Variants in DNAAF10 observed in about 807,000 individuals in gnomAD.
DNAAF10 encodes dynein axonemal assembly factor 10.
A neutral mutation model predicts 43.7 loss-of-function variants in DNAAF10; 28 were observed. The observed-to-expected ratio is 0.64, with a 90% confidence interval of 0.48 to 0.88. The LOEUF is 0.88. Ranked by LOEUF, DNAAF10 falls within the 40% of genes least tolerant of loss-of-function variation. The probability of loss-of-function intolerance (pLI) is 0.00; values close to 1 mark genes in which losing one functional copy is unlikely to be tolerated. For missense variants in DNAAF10, 403 were observed against 439.1 expected (o/e 0.92, Z 0.73); for synonymous variants, 156 against 157.3 (o/e 0.99, Z 0.06).
At chr2:68,138,396 G>A (rs1193400748) in intron 5 of DNAAF10, among the ~76,000 whole-genome samples, 3 of 152,120 alleles carry the variant, frequency 2.0e-5, no homozygotes, top group Non-Finnish European at 2.9e-5. Context: ...AATCTGAGCT[G>A]GGGAGGTGAC....
intron 3 of DNAAF10, among the ~76,000 whole-genome samples, chr2:68,142,396 A>T (rs571672337): frequency 2.0e-5 from 3 of 152,250 alleles, no homozygotes; most frequent in African/African-American, 7.2e-5. Context: ...AGCTGGGACT[A>T]CAGGCATGCA....
At chr2:68,153,345 TAAAAAAAAAA>T (rs775794947) in intron 1 of DNAAF10, among the ~76,000 whole-genome samples, 8 of 98,750 alleles carry the variant, frequency 8.1e-5, no homozygotes, top group Admixed American at 2.1e-4. Context: ...AGTGATAAAT[TAAAAAAAAAA>T]AAAAAAAAAA....
chr2:68,146,901 G>T (rs1454363544), intron 2 of DNAAF10, among the ~76,000 whole-genome samples: 3 of 151,434 alleles, frequency 2.0e-5, no homozygotes, highest in Admixed American at 6.6e-5. Context: ...AATTAAAAAG[G>T]AATTTCAATT....
Position 68,154,874 on chromosome 2 carries a change from C to T in DNAAF10, c.183+2387G>A, listed in dbSNP as rs1418146596. Among the ~76,000 whole-genome samples, 11 of 152,100 alleles carry T rather than the reference C, an allele frequency of 7.2e-5. 1 individual carries two copies. In the East Asian group the frequency reaches 1.7e-3, roughly 24 times the overall value. On this transcript the variant is annotated intron_variant, in intron 1 of 7. Coordinates refer to ENST00000295121, the MANE Select transcript of DNAAF10 (RefSeq NM_138458.4). ...ACCTCCTGGGCTCAAGAGATCCTCC[C>T]ACCACAGCCTCCCAAGTAGCTGGGA...
intron 4 of DNAAF10, 76 bp downstream of exon 4, chr2:68,141,618 C>T (rs1174364241): frequency 1.5e-6 from 2 of 1,334,076 alleles, no homozygotes; most frequent in East Asian, 4.6e-5. Flanking sequence ...CATAAAGAGA[C>T]TACTGTGAAA....
chr2:68,147,287 T>A (rs994076578), intron 2 of DNAAF10, among the ~76,000 whole-genome samples, 180 bp downstream of exon 2: 12 of 152,194 alleles, frequency 7.9e-5, no homozygotes, highest in African/African-American at 2.7e-4. Flanking sequence ...TAGTATTTTT[T>A]AATGGATTTT....
At chr2:68,145,894 A>AATGAATGT (rs1251392247) in intron 2 of DNAAF10, among the ~76,000 whole-genome samples, 1 of 152,206 alleles carries the variant, frequency 6.6e-6, no homozygotes, top group Non-Finnish European at 1.5e-5. Flanking sequence ...AGATTTTTTA[A>AATGAATGT]ATGAATGTGA....
intron 3 of DNAAF10, among the ~76,000 whole-genome samples, chr2:68,143,597 ACCAAAGGC>A (rs1458846892): frequency 6.6e-6 from 1 of 152,216 alleles, no homozygotes; most frequent in Non-Finnish European, 1.5e-5. Context: ...AAAAAAGCAA[ACCAAAGGC>A]TTATAAGGGA....
chr2:68,132,800 G>A (rs1415292159), intron 7 of DNAAF10, among the ~76,000 whole-genome samples: 1 of 152,200 alleles, frequency 6.6e-6, no homozygotes, highest in African/African-American at 2.4e-5. Flanking sequence ...GATTAGACTG[G>A]ACATCTGTTC....
In DNAAF10 at chr2:68,155,837, C is replaced by T. The variant is rs1175105721; in HGVS notation, c.183+1424G>A. Reference sequence around the variant, plus strand: ...GGTAGCCAGGCTTGGTGGCTCACGCCTGTAATCCCAGTATTACGGGAGGCC... The same window carrying T: ...GGTAGCCAGGCTTGGTGGCTCACGCTTGTAATCCCAGTATTACGGGAGGCC... On this transcript the variant is annotated intron_variant, in intron 1 of 7. Coordinates refer to ENST00000295121, the MANE Select transcript of DNAAF10 (RefSeq NM_138458.4). Among the ~76,000 whole-genome samples, 6 of 152,138 alleles carry T rather than the reference C, an allele frequency of 3.9e-5. 1 individual carries two copies. The East Asian group carries it at 1.2e-3, about 29-fold the overall frequency.
chr2:68,142,120 T>A (rs1673193130), intron 3 of DNAAF10, among the ~76,000 whole-genome samples: 1 of 152,258 alleles, frequency 6.6e-6, no homozygotes, highest in Admixed American at 6.5e-5. Flanking sequence ...AATGAATGTG[T>A]TATTTTTTAG....
intron 7 of DNAAF10, chr2:68,134,336 C>T: frequency 1.9e-6 from 2 of 1,051,020 alleles, no homozygotes; most frequent in South Asian, 3.1e-5. Flanking sequence ...CTGTTGGGGT[C>T]TATCACAATG....
At chr2:68,154,534 C>A (rs539647588) in intron 1 of DNAAF10, among the ~76,000 whole-genome samples, 95 of 152,270 alleles carry the variant, frequency 6.2e-4, no homozygotes, top group Non-Finnish European at 1.1e-3. Flanking sequence ...GCGTGAGCCA[C>A]CACACCCGGC....
At chr2:68,137,991 G>A (rs1057096033) in intron 5 of DNAAF10, among the ~76,000 whole-genome samples, 18 of 149,922 alleles carry the variant, frequency 1.2e-4, no homozygotes, top group African/African-American at 4.4e-4. Flanking sequence ...TGGCTAACAC[G>A]ATGAAACCCC....
chr2:68,132,757 A>G (rs1200224766), intron 7 of DNAAF10, among the ~76,000 whole-genome samples: 2 of 152,240 alleles, frequency 1.3e-5, no homozygotes, highest in South Asian at 2.1e-4. Context: ...TGCTGGTACA[A>G]TACTTGACAG....
chr2:68,138,019 T>C (rs756283515), intron 5 of DNAAF10, among the ~76,000 whole-genome samples: 1 of 143,692 alleles, frequency 7.0e-6, no homozygotes, highest in African/African-American at 2.6e-5. Context: ...CTAAAAAATA[T>C]GAAAAATTAG....
At chr2:68,154,922 C>T (rs898580868) in intron 1 of DNAAF10, among the ~76,000 whole-genome samples, 6 of 151,920 alleles carry the variant, frequency 3.9e-5, no homozygotes, top group African/African-American at 9.7e-5. Context: ...ATCACTATGC[C>T]CAGCTAATTT....
chr2:68,148,067 T>C (rs1424281373), intron 1 of DNAAF10, among the ~76,000 whole-genome samples: 1 of 152,222 alleles, frequency 6.6e-6, no homozygotes, highest in Non-Finnish European at 1.5e-5. Context: ...GGCGCTACTA[T>C]TAGTATGGAT....
At chr2:68,154,493 G>A (rs1158175189) in intron 1 of DNAAF10, among the ~76,000 whole-genome samples, 2 of 152,032 alleles carry the variant, frequency 1.3e-5, no homozygotes, top group Non-Finnish European at 2.9e-5. Context: ...TGATCCACCC[G>A]CCTCGGCCTC....
Sources: allele counts gnomAD v4.1 joint callset (sites outside exome capture counted in the v4.1 genomes callset), GRCh38; gene constraint gnomAD v4.1.1; transcripts MANE v1.5; gene names NCBI Gene and HGNC (gene_info 2026-07-23, HGNC 2026-07-21).